UGP2: variants seen among roughly 807,000 people sequenced by gnomAD.
The protein encoded by UGP2 is UTP--glucose-1-phosphate uridylyltransferase.
UGP2 carries 40 observed loss-of-function variants against 49.0 expected under a neutral mutation model. The observed-to-expected ratio is 0.82, with a 90% CI of 0.63 to 1.06. The LOEUF is 1.06. Among genes scored for constraint, UGP2 ranks in the 50% least tolerant of loss-of-function variants. The probability of loss-of-function intolerance (pLI) is 0.00; values close to 1 mark genes in which losing one functional copy is unlikely to be tolerated. For missense variants in UGP2, 460 were observed against 603.5 expected (o/e 0.76, Z 2.49); for synonymous variants, 225 against 213.0 (o/e 1.06, Z -0.49).
intron 1 of UGP2, among the ~76,000 whole-genome samples, chr2:63,846,717 A>C (rs1671960870): frequency 1.3e-5 from 2 of 152,160 alleles, no homozygotes; most frequent in African/African-American, 4.8e-5. Context: ...CAGAGATGAG[A>C]AGCATTCTGG....
chr2:63,878,479 C>T (rs1473857389), intron 3 of UGP2, among the ~76,000 whole-genome samples: 1 of 152,170 alleles, frequency 6.6e-6, no homozygotes, highest in Non-Finnish European at 1.5e-5. Context: ...ATTATGTCTC[C>T]ATGACTAAGT....
chr2:63,869,922 A>AC lies in UGP2; in HGVS notation c.255+11986_255+11987insC, dbSNP rs1553464349. ...ATTTATTTTAGAGTAATTAAAATTA[A>AC]TTTTTTTTTTTTTTTTTTGAGACAG... On this transcript the variant is annotated intron_variant, in intron 3 of 9. Coordinates refer to ENST00000337130, the MANE Select transcript of UGP2 (RefSeq NM_006759.4). Among the ~76,000 whole-genome samples, 393 of 135,502 alleles carry AC rather than the reference A, an allele frequency of 2.9e-3. 1 individual carries two copies. The highest frequency in any genetic ancestry group is 9.5e-3 in the African/African-American group (354 of 37,376). The allele number at this position is 135,502 out of a possible 152,430, so 88.9% of individuals were successfully genotyped here. A position where few individuals can be genotyped will look rare whatever the true frequency, so the allele number is the denominator to read the frequency against.
chr2:63,857,768 TTA>T, intron 2 of UGP2, 59 bp from the exon 3 acceptor site: 1 of 1,462,380 alleles, frequency 6.8e-7, no homozygotes, highest in Non-Finnish European at 9.5e-7. Context: ...GTATCTGTCT[TTA>T]TGTTTTTATT....
Position 63,882,453 on chromosome 2 carries a change from A to G in UGP2, c.256-13A>G. 6.4e-7 allele frequency: 1 copy of G among 1,556,366 alleles called. No individual in the cohort carries two copies. The highest frequency in any genetic ancestry group is 8.8e-7 in the Non-Finnish European group (1 of 1,142,088). On this transcript the variant is annotated splice_polypyrimidine_tract_variant and intron_variant, in intron 3 of 9. Transcript: ENST00000337130. Reference sequence around the variant, plus strand: ...CTGTTTAAATTACTCCTATAATGTTATTTTTCTTTCAGATTCAACCCTATG... The same window carrying G: ...CTGTTTAAATTACTCCTATAATGTTGTTTTTCTTTCAGATTCAACCCTATG...
At chr2:63,850,068 C>G (rs1668947466) in intron 1 of UGP2, among the ~76,000 whole-genome samples, 1 of 152,154 alleles carries the variant, frequency 6.6e-6, no homozygotes, top group African/African-American at 2.4e-5. Context: ...TTTAACAAAT[C>G]TCTTCTGAAT....
intron 3 of UGP2, among the ~76,000 whole-genome samples, chr2:63,875,897 G>A (rs1012917839): frequency 1.2e-4 from 18 of 152,138 alleles, no homozygotes; most frequent in African/African-American, 4.3e-4. Context: ...CACAAAGATC[G>A]CACTGGTGAC....
Position 63,842,142 on chromosome 2 carries a change from A to AG in UGP2, c.-43dup, listed in dbSNP as rs771718963. On this transcript the variant is annotated 5_prime_UTR_variant, in exon 1 of 10. Transcript: ENST00000337130. ...ACCTGCCCTGTAGCGTGACTCCTCTAGAAAAAAAAAAAAAAAGCCGGAGTA... is the reference window on the plus strand; with the variant it reads ...ACCTGCCCTGTAGCGTGACTCCTCTAGGAAAAAAAAAAAAAAAGCCGGAGTA... The AG allele has an allele frequency of 1.3e-6, 2 of 1,547,962 alleles. No individual in the cohort carries two copies.
rs766895950 is a variant in UGP2, at chr2:63,885,567, AAG to A, written c.576-20_576-19del. ...ATGCTCTACAGGGTCAATATTGAAA[AAG>A]AACTTTTTTTTTTTTAAAGGTACCC... is the stretch of plus-strand genomic sequence containing the variant. On this transcript the variant is annotated intron_variant, in intron 5 of 9. Coordinates refer to ENST00000337130, the MANE Select transcript of UGP2 (RefSeq NM_006759.4). The A allele has an allele frequency of 6.0e-6, 9 of 1,507,044 alleles. No individual in the cohort carries two copies. Among genetic ancestry groups the A allele is most frequent in the South Asian group, 1.4e-5 (1 of 72,896 alleles). 93.4% of individuals were successfully genotyped at this position (1,507,044 alleles called of 1,614,324 possible). A position where few individuals can be genotyped will look rare whatever the true frequency, so the allele number is the denominator to read the frequency against.
At position 63,891,367 on chromosome 2, in the gene UGP2, A is replaced by G. The variant is rs1672146487; in HGVS notation, c.*140A>G. 1.7e-6 allele frequency: 1 copy of G among 579,524 alleles called. No homozygotes were observed. Among genetic ancestry groups the G allele is most frequent in the Non-Finnish European group, 2.8e-6 (1 of 354,206 alleles). 35.9% of individuals were successfully genotyped at this position (579,524 alleles called of 1,614,324 possible). On this transcript the variant is annotated 3_prime_UTR_variant, in exon 10 of 10. Transcript: ENST00000337130. ...TTTTTAAAATAGAGTTTTCTGCAGT[A>G]TGCTTTTAGTCTAAGAAAAGCACAG... is the stretch of plus-strand genomic sequence containing the variant.
Position 63,886,482 on chromosome 2 carries a change from G to C in UGP2, c.1015G>C (p.Val339Leu). The stretch of plus-strand genomic sequence containing the variant: ...CAACCTATGGATTTCTCTTGCAGCA[G>C]TTAAAAGACTGCAGGAGCAAAATGC... ...TNNLWISLAA[V>L]KRLQEQNAID... The change falls in exon 7 of 10, where the codon GTT becomes CTT. Residue 339 changes from valine to leucine, a missense_variant. This residue lies in a region of UGP2 where 317 missense variants were observed against 473.0 expected (regional missense o/e 0.67). Coordinates refer to ENST00000337130, the MANE Select transcript of UGP2 (RefSeq NM_006759.4). 12 of 1,614,174 alleles carry C rather than the reference G, an allele frequency of 7.4e-6. No homozygotes were observed. Among genetic ancestry groups the C allele is most frequent in the Non-Finnish European group, 1.0e-5 (12 of 1,180,016 alleles).
intron 3 of UGP2, among the ~76,000 whole-genome samples, chr2:63,872,871 C>G (rs888006331): frequency 3.3e-5 from 5 of 151,782 alleles, no homozygotes; most frequent in Non-Finnish European, 7.4e-5. Flanking sequence ...GCAAAACATG[C>G]TGGACGAGGT....
chr2:63,848,844 A>G (rs1471173887), intron 1 of UGP2, among the ~76,000 whole-genome samples: 1 of 152,206 alleles, frequency 6.6e-6, no homozygotes, highest in African/African-American at 2.4e-5. Context: ...AGTTTTCTTG[A>G]TTGGTGATGC....
intron 8 of UGP2, chr2:63,888,348 T>C (rs1161386935): frequency 6.6e-6 from 1 of 152,198 alleles, no homozygotes; most frequent in Non-Finnish European, 1.5e-5. Context: ...GTGTAACACA[T>C]TTTGCCATAG....
intron 4 of UGP2, chr2:63,883,172 T>G (rs1309587851): frequency 6.6e-6 from 1 of 152,292 alleles, no homozygotes. Context: ...CTAATGCAAG[T>G]TGTAGCAGTG....
chr2:63,887,789 T>G (rs1671792348), intron 8 of UGP2, 145 bp downstream of exon 8: 3 of 1,052,334 alleles, frequency 2.9e-6, no homozygotes, highest in Non-Finnish European at 4.0e-6. Flanking sequence ...TAAAGGGAAT[T>G]GACCATAGAA....
chr2:63,842,293 A>T, intron 1 of UGP2, 89 bp downstream of exon 1: 1 of 1,608,024 alleles, frequency 6.2e-7, no homozygotes, highest in South Asian at 1.1e-5. Context: ...TTGGAAGTGG[A>T]AATGTTCATT....
intron 1 of UGP2, among the ~76,000 whole-genome samples, chr2:63,847,670 A>G (rs1020906361): frequency 2.0e-5 from 3 of 152,192 alleles, no homozygotes; most frequent in Non-Finnish European, 4.4e-5. Context: ...GGGGGTCACA[A>G]GGTGCTCAGT....
chr2:63,886,927 A>G (rs560316309), intron 7 of UGP2, among the ~76,000 whole-genome samples: 1 of 152,182 alleles, frequency 6.6e-6, no homozygotes, highest in Non-Finnish European at 1.5e-5. Flanking sequence ...AAAAGATTAC[A>G]TGTTTAAGAG....
intron 8 of UGP2, chr2:63,889,839 C>T: frequency 2.7e-6 from 1 of 374,006 alleles, no homozygotes; most frequent in Non-Finnish European, 4.8e-6. Context: ...GAAAAAAAAC[C>T]CTTAGATCTG....
Sources: allele counts gnomAD v4.1 joint callset (sites outside exome capture counted in the v4.1 genomes callset), GRCh38; gene constraint gnomAD v4.1.1; regional missense constraint gnomAD v4.1.1; transcripts MANE v1.5; gene names NCBI Gene and HGNC (gene_info 2026-07-23, HGNC 2026-07-21).